Variants in WASL observed in about 807,000 individuals in gnomAD.
WASL encodes the protein WASP like actin nucleation promoting factor.
WASL carries 20 observed loss-of-function variants against 55.5 expected under a neutral mutation model. The observed-to-expected ratio is 0.36, with a 90% CI of 0.25 to 0.52. The LOEUF is 0.52. Among genes scored for constraint, WASL ranks in the 20% least tolerant of loss-of-function variants. WASL has a pLI of 0.92. For missense variants in WASL, 504 were observed against 622.5 expected (o/e 0.81, Z 2.03); for synonymous variants, 249 against 217.6 (o/e 1.14, Z -1.27).
intron 1 of WASL, among the ~76,000 whole-genome samples, chr7:123,717,940 T>C (rs1357846306): frequency 6.6e-6 from 1 of 152,196 alleles, no homozygotes; most frequent in Non-Finnish European, 1.5e-5. Context: ...GCAGGCTGAA[T>C]TTGGTCCATG....
At position 123,706,273 on chromosome 7, in the gene WASL, T is replaced by C. The variant is rs1406841983; in HGVS notation, c.436+4A>G. 6.2e-7 allele frequency: 1 copy of C among 1,612,768 alleles called. No homozygotes were observed. The highest frequency in any genetic ancestry group is 8.5e-7 in the Non-Finnish European group (1 of 1,179,464). On this transcript the variant is annotated splice_donor_region_variant and intron_variant, in intron 4 of 10. Coordinates refer to ENST00000223023, the MANE Select transcript of WASL (RefSeq NM_003941.4). ...CCTGATTTAAGTAATTAAAAAAGGG[T>C]TACCAGATTTCCTTTGTCGACGGCC...
At chr7:123,730,936 C>A (rs1339145233) in intron 1 of WASL, among the ~76,000 whole-genome samples, 1 of 152,118 alleles carries the variant, frequency 6.6e-6, no homozygotes, top group Non-Finnish European at 1.5e-5. Flanking sequence ...GTTTTTAAAT[C>A]TTCATCCTTC....
chr7:123,737,503 G>C (rs2116822931), intron 1 of WASL, among the ~76,000 whole-genome samples: 1 of 148,360 alleles, frequency 6.7e-6, no homozygotes, highest in Middle Eastern at 3.6e-3. Flanking sequence ...GGCTGAGGCA[G>C]GAGAATCTCT....
In WASL at chr7:123,706,288, T is replaced by A; in HGVS notation, c.425A>T (p.Gln142Leu). 6.2e-7 allele frequency: 1 copy of A among 1,613,448 alleles called. No individual in the cohort carries two copies. The change falls in exon 4 of 11, where the codon CAA (glutamine) becomes CTA (leucine). Residue 142 changes from glutamine (Q) to leucine (L), a missense_variant. Transcript: ENST00000223023. ...KAVTDLLGRR[Q>L]RKSEKRRDPP... ...TAAAAAAGGGTTACCAGATTTCCTT[T>A]GTCGACGGCCCAAAAGGTCTGTAAC... is the stretch of plus-strand genomic sequence containing the variant.
chr7:123,740,220 T>TAC (rs1491281281), intron 1 of WASL, among the ~76,000 whole-genome samples: 1 of 151,274 alleles, frequency 6.6e-6, no homozygotes. Context: ...TATTATCTTT[T>TAC]ATATATATAT....
chr7:123,687,763 T>TTG (rs996524059), intron 10 of WASL, among the ~76,000 whole-genome samples: 10 of 152,080 alleles, frequency 6.6e-5, no homozygotes, highest in Admixed American at 1.3e-4. Flanking sequence ...GGACTTTTTT[T>TTG]TTGTTAAAAT....
chr7:123,732,068 C>T (rs992442940), intron 1 of WASL, among the ~76,000 whole-genome samples: 1 of 152,138 alleles, frequency 6.6e-6, no homozygotes, highest in African/African-American at 2.4e-5. Context: ...TGGCTCACAC[C>T]TGTAATCCCA....
rs746863706 is a variant in WASL, at chr7:123,692,630, G to A, written c.1064C>T (p.Pro355Leu). The A allele has an allele frequency of 4.4e-5, 70 of 1,592,142 alleles. No homozygotes were observed. The highest frequency in any genetic ancestry group is 6.0e-5 in the Non-Finnish European group (70 of 1,170,256). Residue 355 changes from proline (P) to leucine (L), a missense_variant, in exon 9 of 11, where the codon CCT (proline) becomes CTT (leucine). This residue lies in a region of WASL where 201 missense variants were observed against 206.2 expected (regional missense o/e 0.97). Coordinates refer to ENST00000223023, the MANE Select transcript of WASL (RefSeq NM_003941.4). ...TGGAGGTGGTGGTGGAGGCCCTGAA[G>A]GTGCTGAGGAGGGAAGGGCTGGAGG... ...PPPPALPSSA[P>L]SGPPPPPPSV...
At chr7:123,707,014 A>G (rs1803683328) in intron 2 of WASL, among the ~76,000 whole-genome samples, 188 bp from the exon 3 acceptor site, 1 of 152,178 alleles carries the variant, frequency 6.6e-6, no homozygotes, top group African/African-American at 2.4e-5. Context: ...AACTGAAAAC[A>G]CTGGATAACG....
chr7:123,709,871 C>T (rs1803728964), intron 1 of WASL, among the ~76,000 whole-genome samples: 1 of 152,126 alleles, frequency 6.6e-6, no homozygotes. Flanking sequence ...AGTGGCCACG[C>T]AGTTTTAATG....
intron 1 of WASL, among the ~76,000 whole-genome samples, chr7:123,730,965 A>G (rs1804127089): frequency 6.6e-6 from 1 of 152,062 alleles, no homozygotes; most frequent in Non-Finnish European, 1.5e-5. Flanking sequence ...CCCACCCTCA[A>G]GTAGGCCTGG....
intron 5 of WASL, among the ~76,000 whole-genome samples, chr7:123,701,297 T>C (rs2116780667): frequency 6.6e-6 from 1 of 152,350 alleles, no homozygotes; most frequent in East Asian, 1.9e-4. Flanking sequence ...TAAGGATAAC[T>C]GTTGCATGAA....
At chr7:123,697,690 C>T (rs954173533) in intron 5 of WASL, among the ~76,000 whole-genome samples, 1 of 152,192 alleles carries the variant, frequency 6.6e-6, no homozygotes, top group South Asian at 2.1e-4. Flanking sequence ...GAGTTTAAGG[C>T]AGCACACTTT....
At chr7:123,742,358 C>T (rs1001805527) in intron 1 of WASL, among the ~76,000 whole-genome samples, 1 of 152,118 alleles carries the variant, frequency 6.6e-6, no homozygotes, top group African/African-American at 2.4e-5. Flanking sequence ...GCATGTTGTC[C>T]AGTGCATTAC....
At chr7:123,685,680 C>T (rs1803275129) in intron 10 of WASL, among the ~76,000 whole-genome samples, 1 of 151,734 alleles carries the variant, frequency 6.6e-6, no homozygotes, top group African/African-American at 2.4e-5. Flanking sequence ...GTATCCTCAA[C>T]ACCAAAACAG....
intron 1 of WASL, chr7:123,720,307 C>A (rs569831159): frequency 1.2e-5 from 5 of 422,060 alleles, no homozygotes; most frequent in South Asian, 5.1e-5. Context: ...TTAAATAAAG[C>A]ACAGTTCAGC....
chr7:123,725,191 G>A (rs1182496564), intron 1 of WASL, among the ~76,000 whole-genome samples: 2 of 152,136 alleles, frequency 1.3e-5, no homozygotes, highest in South Asian at 4.1e-4. Flanking sequence ...CAATTTTGTG[G>A]TTTTCAAGAC....
chr7:123,684,389 A>G lies in WASL; in HGVS notation c.*130T>C, dbSNP rs1803253147. 2.7e-6 allele frequency: 1 copy of G among 367,268 alleles called. No homozygotes were observed. Among genetic ancestry groups the G allele is most frequent in the Non-Finnish European group, 5.0e-6 (1 of 198,938 alleles). The allele number at this position is 367,268 out of a possible 1,614,324, so 22.8% of individuals were successfully genotyped here. ...TGAGGTATTGCACAGATTAAAAAAA[A>G]GCAAAAAAGGCAACAAAAATATACA... On this transcript the variant is annotated 3_prime_UTR_variant, in exon 11 of 11. Transcript: ENST00000223023.
intron 10 of WASL, among the ~76,000 whole-genome samples, chr7:123,687,504 C>T (rs1478833787): frequency 6.6e-6 from 1 of 152,150 alleles, no homozygotes; most frequent in Non-Finnish European, 1.5e-5. Flanking sequence ...TAGTTTTCTA[C>T]ATGGTTCACT....
Sources: allele counts gnomAD v4.1 joint callset (sites outside exome capture counted in the v4.1 genomes callset), GRCh38; gene constraint gnomAD v4.1.1; regional missense constraint gnomAD v4.1.1; transcripts MANE v1.5; gene names NCBI Gene and HGNC (gene_info 2026-07-23, HGNC 2026-07-21).